EIF2AK4: variants seen among roughly 807,000 people sequenced by gnomAD.
EIF2AK4 encodes the protein eIF-2-alpha kinase GCN2.
A neutral mutation model predicts 211.1 loss-of-function variants in EIF2AK4; 139 were observed. The observed-to-expected ratio is 0.66, with a 90% CI of 0.57 to 0.76. The LOEUF (loss-of-function observed/expected upper bound fraction) is 0.76. Ranked by LOEUF, EIF2AK4 falls within the 30% of genes least tolerant of loss-of-function variation. The pLI is 0.00. For synonymous variants in EIF2AK4, 710 were observed against 751.3 expected, an observed-to-expected ratio of 0.94 and a Z score of 0.90; for missense variants, 1,664 against 2,043.8, an observed-to-expected ratio of 0.81 and a Z score of 3.58.
intron 12 of EIF2AK4, 183 bp from the exon 13 acceptor site, chr15:39,977,895 A>T (rs971545278): frequency 2.6e-6 from 1 of 382,030 alleles, no homozygotes; most frequent in East Asian, 3.8e-5. Flanking sequence ...TTATTAAATC[A>T]AGGGTTCTGT....
intron 29 of EIF2AK4, among the ~76,000 whole-genome samples, chr15:40,018,613 C>T (rs2035341634): frequency 2.0e-5 from 3 of 152,164 alleles, no homozygotes; most frequent in Admixed American, 6.5e-5. Flanking sequence ...TGAGCCACCA[C>T]ACCTGACCTG....
intron 1 of EIF2AK4, among the ~76,000 whole-genome samples, chr15:39,937,735 T>G (rs1404393452): frequency 2.6e-5 from 4 of 152,198 alleles, no homozygotes; most frequent in Non-Finnish European, 5.9e-5. Context: ...TTTTTTAAGT[T>G]CTTCGTTCCA....
intron 26 of EIF2AK4, among the ~76,000 whole-genome samples, chr15:40,010,059 C>G (rs937335158): frequency 6.6e-6 from 1 of 152,182 alleles, no homozygotes; most frequent in Non-Finnish European, 1.5e-5. Context: ...CTTATTAAGG[C>G]AAATCACTAA....
At chr15:39,978,336 A>T in intron 13 of EIF2AK4, 189 bp downstream of exon 13, 2 of 331,620 alleles carry the variant, frequency 6.0e-6, no homozygotes, top group Admixed American at 4.7e-5. Context: ...TTATTTATCC[A>T]CATAGTAAAA....
At position 40,025,939 on chromosome 15, in the gene EIF2AK4, A is replaced by G. The variant is rs768609284; in HGVS notation, c.4390-38A>G. The G allele has an allele frequency of 5.0e-6, 8 of 1,597,888 alleles. No homozygotes were observed. In the Admixed American group the frequency reaches 1.3e-4, roughly 27 times the overall value. On this transcript the variant is annotated intron_variant, in intron 32 of 38. Transcript: ENST00000263791. ...CTCTGAGCTAGTCTTCTGGGTTCAG[A>G]AACCTCCAAATGATAGATCCGTTTC...
At chr15:39,969,509 C>G (rs756558559) in intron 9 of EIF2AK4, among the ~76,000 whole-genome samples, 32 of 151,752 alleles carry the variant, frequency 2.1e-4, no homozygotes, top group Non-Finnish European at 4.4e-4. Flanking sequence ...TACAGGCGCC[C>G]GCTACTACAC....
At chr15:40,013,835 A>G (rs543602662) in intron 27 of EIF2AK4, among the ~76,000 whole-genome samples, 2 of 152,108 alleles carry the variant, frequency 1.3e-5, no homozygotes, top group Non-Finnish European at 2.9e-5. Context: ...CTCAAAACCA[A>G]TCATGCCTTC....
At chr15:40,029,740 G>A (rs1047427785) in intron 34 of EIF2AK4, among the ~76,000 whole-genome samples, 2 of 152,150 alleles carry the variant, frequency 1.3e-5, no homozygotes, top group African/African-American at 4.8e-5. Flanking sequence ...AGTGAAATGT[G>A]TATAATTTTC....
chr15:39,992,871 G>C, intron 18 of EIF2AK4, 23 bp downstream of exon 18: 1 of 1,610,356 alleles, frequency 6.2e-7, no homozygotes, highest in East Asian at 2.2e-5. Flanking sequence ...GTGGGGAAAA[G>C]GAATCTCAAA....
chr15:39,964,923 G>A (rs1029965376), intron 7 of EIF2AK4, among the ~76,000 whole-genome samples: 1 of 152,184 alleles, frequency 6.6e-6, no homozygotes, highest in South Asian at 2.1e-4. Flanking sequence ...AGTCATTGAT[G>A]TATTCAGATT....
chr15:39,979,540 G>C (rs1229483996), intron 13 of EIF2AK4, among the ~76,000 whole-genome samples: 1 of 152,192 alleles, frequency 6.6e-6, no homozygotes, highest in Non-Finnish European at 1.5e-5. Context: ...AGGGGAGCTT[G>C]TCAAGTGCTT....
chr15:40,033,540 C>T (rs541223450), intron 37 of EIF2AK4, among the ~76,000 whole-genome samples: 2 of 152,272 alleles, frequency 1.3e-5, no homozygotes, highest in South Asian at 4.2e-4. Flanking sequence ...TCAAAGAATA[C>T]TTTTTTGTCT....
At position 40,026,075 on chromosome 15, in the gene EIF2AK4, T is replaced by C; in HGVS notation, c.4488T>C (p.Asp1496=). The C allele has an allele frequency of 6.2e-7, 1 of 1,613,990 alleles. No individual in the cohort carries two copies. The highest frequency in any genetic ancestry group is 8.5e-7 in the Non-Finnish European group (1 of 1,179,958). The change falls in exon 33 of 39, where the codon GAT becomes GAC. Residue 1496 remains aspartate (D), a synonymous_variant. Coordinates refer to ENST00000263791, the MANE Select transcript of EIF2AK4 (RefSeq NM_001013703.4). ...AGAAACTGAGGACTAAAGTCACTGA[T>C]GAAAGGAATGGCAGGTAACTTAGGA... ...VLQKLRTKVT[D]ERNGREASDN...
Position 39,988,202 on chromosome 15 carries a change from A to G in EIF2AK4, c.2526+97A>G, listed in dbSNP as rs1205215866. Reference sequence around the variant, plus strand: ...TGTAAGATTGGAGAAAAACTGAAATAGAGGGAAAGCTATGGGTATATTGAC... The same window carrying G: ...TGTAAGATTGGAGAAAAACTGAAATGGAGGGAAAGCTATGGGTATATTGAC... On this transcript the variant is annotated intron_variant, in intron 15 of 38. Coordinates refer to ENST00000263791, the MANE Select transcript of EIF2AK4 (RefSeq NM_001013703.4). 5.7e-6 allele frequency: 8 copies of G among 1,393,640 alleles called. No homozygotes were observed. In the Admixed American group the frequency reaches 7.4e-5, roughly 13 times the overall value. 86.3% of individuals were successfully genotyped at this position (1,393,640 alleles called of 1,614,324 possible). A position where few individuals can be genotyped will look rare whatever the true frequency, so the allele number is the denominator to read the frequency against.
intron 15 of EIF2AK4, among the ~76,000 whole-genome samples, chr15:39,988,426 A>AAATGGTTG (rs2034896374): frequency 6.6e-6 from 1 of 152,250 alleles, no homozygotes; most frequent in Non-Finnish European, 1.5e-5. Flanking sequence ...CTATATTTTT[A>AAATGGTTG]AATGGTTGTA....
At chr15:40,002,567 T>A in intron 21 of EIF2AK4, 146 bp from the exon 22 acceptor site, 1 of 754,232 alleles carries the variant, frequency 1.3e-6, no homozygotes, top group Non-Finnish European at 2.3e-6. Flanking sequence ...TTCCCTGATG[T>A]GTTCAAAGAG....
At chr15:40,018,535 T>C (rs1200855631) in intron 29 of EIF2AK4, among the ~76,000 whole-genome samples, 3 of 152,166 alleles carry the variant, frequency 2.0e-5, no homozygotes, top group Non-Finnish European at 4.4e-5. Flanking sequence ...TTGTCCAGGC[T>C]GATCTCACAC....
chr15:39,974,556 A>C (rs2034668306), intron 11 of EIF2AK4: 2 of 152,252 alleles, frequency 1.3e-5, no homozygotes, highest in Non-Finnish European at 2.9e-5. Context: ...CAGACAAGCA[A>C]GACAGATGTC....
intron 33 of EIF2AK4, among the ~76,000 whole-genome samples, chr15:40,027,676 G>A (rs887807568): frequency 8.5e-5 from 13 of 152,128 alleles, no homozygotes; most frequent in Admixed American, 6.5e-5. Flanking sequence ...GGATCATGAG[G>A]TCAGGAGATC....
Sources: allele counts gnomAD v4.1 joint callset (sites outside exome capture counted in the v4.1 genomes callset), GRCh38; gene constraint gnomAD v4.1.1; transcripts MANE v1.5; gene names NCBI Gene and HGNC (gene_info 2026-07-23, HGNC 2026-07-21).